Variants in NEIL2 observed in about 807,000 individuals in gnomAD.
The protein encoded by NEIL2 is endonuclease 8-like 2.
In NEIL2, 23 loss-of-function variants were observed where a neutral mutation model predicts 22.2. The ratio of observed to expected loss-of-function variants is 1.04; its 90% confidence interval spans 0.75 to 1.47. The LOEUF (loss-of-function observed/expected upper bound fraction) is 1.47, where lower values mean the gene tolerates loss of function less well. Ranked by LOEUF, NEIL2 falls within the 40% of genes most tolerant of loss-of-function variation. The pLI, the probability that NEIL2 is intolerant of heterozygous loss-of-function variation, is 0.00. For missense variants in NEIL2, 583 were observed against 404.7 expected (o/e 1.44, Z -3.78); for synonymous variants, 229 against 164.8 (o/e 1.39, Z -2.99).
At chr8:11,785,635 A>T (rs778445338) in intron 4 of NEIL2, among the ~76,000 whole-genome samples, 81 of 152,356 alleles carry the variant, frequency 5.3e-4, no homozygotes, top group Non-Finnish European at 1.0e-3. Flanking sequence ...ACTGCAGCTA[A>T]TTGAGGCTGA....
chr8:11,780,094 C>G, intron 3 of NEIL2, 144 bp downstream of exon 3: 1 of 654,944 alleles, frequency 1.5e-6, no homozygotes, highest in South Asian at 1.9e-5. Context: ...GAGAGGCCAC[C>G]TCTGTATCTA....
At chr8:11,782,482 C>G (rs8180912) in intron 3 of NEIL2, 25 of 154,708 alleles carry the variant, frequency 1.6e-4, no homozygotes, top group Admixed American at 1.6e-3. Context: ...TACCAAACAT[C>G]TGGGCTTAGC....
intron 2 of NEIL2, among the ~76,000 whole-genome samples, chr8:11,775,476 G>T (rs898825902): frequency 6.6e-6 from 1 of 152,164 alleles, no homozygotes; most frequent in Non-Finnish European, 1.5e-5. Flanking sequence ...GTGATGGGAG[G>T]GGCTGCTGTG....
At chr8:11,784,662 A>T (rs1385255595) in intron 4 of NEIL2, among the ~76,000 whole-genome samples, 1 of 152,204 alleles carries the variant, frequency 6.6e-6, no homozygotes, top group South Asian at 2.1e-4. Flanking sequence ...CCCAGCAAGC[A>T]TGGACTCAGT....
At chr8:11,777,012 C>G (rs8191593) in intron 2 of NEIL2, among the ~76,000 whole-genome samples, 1 of 152,104 alleles carries the variant, frequency 6.6e-6, no homozygotes, top group Admixed American at 6.5e-5. Context: ...CCACCTCTGC[C>G]TTCAGGTATG....
At chr8:11,775,649 T>C (rs772337453) in intron 2 of NEIL2, among the ~76,000 whole-genome samples, 4 of 152,262 alleles carry the variant, frequency 2.6e-5, no homozygotes, top group Non-Finnish European at 5.9e-5. Context: ...TTCAAACTTC[T>C]GTGCTCTGCT....
At chr8:11,775,253 C>G (rs1264518053) in intron 2 of NEIL2, among the ~76,000 whole-genome samples, 1 of 152,256 alleles carries the variant, frequency 6.6e-6, no homozygotes, top group Non-Finnish European at 1.5e-5. Flanking sequence ...CCATTCTTAA[C>G]TTCTGTGCAC....
Position 11,783,352 on chromosome 8 carries a change from A to G in NEIL2, c.641A>G (p.Gln214Arg). Residue 214 changes from glutamine (Q) to arginine (R), a missense_variant, in exon 4 of 5, where the codon CAG becomes CGG. Gln to Arg is a conservative substitution (Grantham distance 43, BLOSUM62 1). Transcript: ENST00000284503. ...GCCTTAGAAGCTCTAGGCCAGGCTC[A>G]GCCTGTCTGCTATACACTGCTGGAC... ...GQALEALGQAQPVCYTLLDQR... is the reference protein window; with the variant it reads ...GQALEALGQARPVCYTLLDQR... The G allele has an allele frequency of 6.2e-7, 1 of 1,614,234 alleles. No homozygotes were observed. Among genetic ancestry groups the G allele is most frequent in the Non-Finnish European group, 8.5e-7 (1 of 1,180,036 alleles).
In NEIL2 at chr8:11,782,742, C is replaced by T. The variant is rs186606482; in HGVS notation, c.492-461C>T. The T allele has an allele frequency of 1.7e-3, 428 of 251,110 alleles. 2 individuals are homozygous for T. The highest frequency in any genetic ancestry group is 7.9e-3 in the African/African-American group (362 of 45,564). The allele number at this position is 251,110 out of a possible 1,614,324, so 15.6% of individuals were successfully genotyped here. On this transcript the variant is annotated intron_variant, in intron 3 of 4. Coordinates refer to ENST00000284503, the MANE Select transcript of NEIL2 (RefSeq NM_145043.4). Reference sequence around the variant, plus strand: ...AGGGATGTCTGTATGTGTGTATGATCCAGCCACAGAGTGTGCTCTGACTAC... The same window carrying T: ...AGGGATGTCTGTATGTGTGTATGATTCAGCCACAGAGTGTGCTCTGACTAC...
chr8:11,781,746 G>T (rs189404008), intron 3 of NEIL2, among the ~76,000 whole-genome samples: 1 of 151,912 alleles, frequency 6.6e-6, no homozygotes, highest in African/African-American at 2.4e-5. Context: ...TATCTACTTT[G>T]TTGGTCTTTG....
At chr8:11,784,259 C>T (rs561683568) in intron 4 of NEIL2, among the ~76,000 whole-genome samples, 2 of 152,166 alleles carry the variant, frequency 1.3e-5, no homozygotes, top group East Asian at 1.9e-4. Flanking sequence ...GAGCGAAGAG[C>T]CGTCGGAAGT....
At chr8:11,778,967 ACAGC>A (rs1563257692) in intron 2 of NEIL2, among the ~76,000 whole-genome samples, 698 of 125,260 alleles carry the variant, frequency 5.6e-3, no homozygotes, top group Non-Finnish European at 7.5e-3. Flanking sequence ...AAAAAAAAAG[ACAGC>A]AGAACATCCT....
Position 11,786,440 on chromosome 8 carries a change from A to G in NEIL2, c.*167A>G. ...GAGTTATGTTGAAGGCAGAGTTTTC[A>G]TAGGGTTAGATTTTTTTTATCCTTT... is the stretch of plus-strand genomic sequence containing the variant. On this transcript the variant is annotated 3_prime_UTR_variant, in exon 5 of 5. Coordinates refer to ENST00000284503, the MANE Select transcript of NEIL2 (RefSeq NM_145043.4). The G allele has an allele frequency of 1.5e-6, 1 of 678,382 alleles. No individual in the cohort carries two copies. The highest frequency in any genetic ancestry group is 2.7e-5 in the East Asian group (1 of 36,664). The allele number at this position is 678,382 out of a possible 1,614,324, so 42.0% of individuals were successfully genotyped here.
chr8:11,781,809 C>T (rs1804444949), intron 3 of NEIL2, among the ~76,000 whole-genome samples: 1 of 152,154 alleles, frequency 6.6e-6, no homozygotes, highest in South Asian at 2.1e-4. Context: ...TCTGTAATCC[C>T]AGCACTTTGG....
intron 2 of NEIL2, among the ~76,000 whole-genome samples, chr8:11,778,655 A>T (rs1483468063): frequency 6.6e-6 from 1 of 152,108 alleles, no homozygotes; most frequent in African/African-American, 2.4e-5. Context: ...ATATGAAAAT[A>T]AAGTCAAAGC....
intron 2 of NEIL2, among the ~76,000 whole-genome samples, 195 bp from the exon 3 acceptor site, chr8:11,779,403 A>G (rs1265802648): frequency 6.6e-6 from 1 of 152,204 alleles, no homozygotes; most frequent in African/African-American, 2.4e-5. Context: ...CCTTGCTCCC[A>G]GTCACTTTGA....
Position 11,786,087 on chromosome 8 carries a change from G to A in NEIL2, c.813G>A (p.Trp271Ter). ...ACGTGGTGGAGTTCAGTACAGCCTG[G>A]CTGCAGGGCAAGTTCCAAGGCAGAC... ...VDHVVEFSTA[W>*]LQGKFQGRPQ... The change falls in exon 5 of 5, where the codon TGG becomes TGA. Residue 271 changes from tryptophan to a stop codon, truncating the protein, a stop_gained. Coordinates refer to ENST00000284503, the MANE Select transcript of NEIL2 (RefSeq NM_145043.4). LOFTEE classifies it low-confidence loss of function (END_TRUNC). 6.2e-7 allele frequency: 1 copy of A among 1,614,166 alleles called. No individual in the cohort carries two copies. The highest frequency in any genetic ancestry group is 8.5e-7 in the Non-Finnish European group (1 of 1,180,030).
Position 11,786,122 on chromosome 8 carries a change from C to A in NEIL2, c.848C>A (p.Thr283Lys). 1 of 1,614,144 alleles carries A rather than the reference C, an allele frequency of 6.2e-7. No individual in the cohort carries two copies. The highest frequency in any genetic ancestry group is 8.5e-7 in the Non-Finnish European group (1 of 1,180,022). Residue 283 changes from threonine (T) to lysine (K), a missense_variant, in exon 5 of 5, where the codon ACA (threonine) becomes AAA (lysine). Coordinates refer to ENST00000284503, the MANE Select transcript of NEIL2 (RefSeq NM_145043.4). ...AAGTTCCAAGGCAGACCGCAGCACA[C>A]ACAGGTCTACCAGAAAGAACAGTGC... ...QGKFQGRPQH[T>K]QVYQKEQCPA...
chr8:11,785,329 G>A (rs1030161779), intron 4 of NEIL2, among the ~76,000 whole-genome samples: 2 of 152,150 alleles, frequency 1.3e-5, no homozygotes, highest in African/African-American at 4.8e-5. Context: ...CTGAGTAGCT[G>A]CGATTACAGG....
Sources: allele counts gnomAD v4.1 joint callset (sites outside exome capture counted in the v4.1 genomes callset), GRCh38; gene constraint gnomAD v4.1.1; transcripts MANE v1.5; gene names NCBI Gene and HGNC (gene_info 2026-07-23, HGNC 2026-07-21).